The following ST6GAL2 variants were observed in gnomAD, a reference collection of about 807,000 sequenced individuals.
The protein encoded by ST6GAL2 is beta-galactoside alpha-2,6-sialyltransferase 2.
A neutral mutation model predicts 37.5 loss-of-function variants in ST6GAL2; 24 were observed. That is an observed-to-expected ratio of 0.64 (90% confidence interval 0.46 to 0.90). ST6GAL2 has a LOEUF of 0.90. ST6GAL2 is among the 40% of genes least tolerant of loss of function. The pLI is 0.00. For missense variants in ST6GAL2, 715 were observed against 712.7 expected (o/e 1.00, Z -0.04); for synonymous variants, 306 against 295.1 (o/e 1.04, Z -0.38).
At position 106,882,046 on chromosome 2, in the gene ST6GAL2, G is replaced by A. The variant is rs973116; in HGVS notation, c.-58+4047C>T. Among the ~76,000 whole-genome samples the A allele has an allele frequency of 6.0e-3, 919 of 152,212 alleles. 15 individuals carry two copies. Among genetic ancestry groups the A allele is most frequent in the African/African-American group, 0.021 (877 of 41,536 alleles). On this transcript the variant is annotated intron_variant, in intron 1 of 5. Transcript: ENST00000409382. ...TCAGCCCAAATTTCATTCTAATAAT[G>A]ACTGCCTGGATATTCCACATTTCAT...
intron 1 of ST6GAL2, among the ~76,000 whole-genome samples, chr2:106,876,597 T>TG (rs1488623502): frequency 6.6e-6 from 1 of 152,120 alleles, no homozygotes; most frequent in Non-Finnish European, 1.5e-5. Flanking sequence ...GAGTACCCAT[T>TG]GGGGGACAGT....
chr2:106,849,501 C>A (rs916088064), intron 1 of ST6GAL2, among the ~76,000 whole-genome samples: 3 of 152,164 alleles, frequency 2.0e-5, no homozygotes, highest in East Asian at 1.9e-4. Context: ...AAATATTTTA[C>A]CCCAAAATAT....
chr2:106,845,730 G>C (rs1302997463), intron 1 of ST6GAL2, among the ~76,000 whole-genome samples: 2 of 152,188 alleles, frequency 1.3e-5, no homozygotes, highest in Non-Finnish European at 2.9e-5. Flanking sequence ...TCTATGGCAG[G>C]TTAAAGGTGG....
intron 1 of ST6GAL2, among the ~76,000 whole-genome samples, chr2:106,866,405 T>C (rs940416934): frequency 1.3e-5 from 2 of 152,216 alleles, no homozygotes; most frequent in Non-Finnish European, 2.9e-5. Flanking sequence ...GTGTGCCACA[T>C]CCTGTCCATC....
intron 1 of ST6GAL2, among the ~76,000 whole-genome samples, chr2:106,851,371 T>C (rs919150019): frequency 6.6e-6 from 1 of 152,226 alleles, no homozygotes; most frequent in Non-Finnish European, 1.5e-5. Context: ...TCACATTTCT[T>C]AGGGATAGTT....
chr2:106,884,899 TGC>T (rs1678897460), intron 1 of ST6GAL2, among the ~76,000 whole-genome samples: 1 of 79,608 alleles, frequency 1.3e-5, no homozygotes, highest in Non-Finnish European at 2.4e-5. Flanking sequence ...ACCCTAAATT[TGC>T]AGCGCATATA....
At chr2:106,837,285 T>C (rs1676687054) in intron 2 of ST6GAL2, among the ~76,000 whole-genome samples, 1 of 152,178 alleles carries the variant, frequency 6.6e-6, no homozygotes, top group African/African-American at 2.4e-5. Context: ...TATTTCCCCA[T>C]GTGCCCCACT....
At chr2:106,814,908 C>T (rs993826943) in intron 5 of ST6GAL2, among the ~76,000 whole-genome samples, 4 of 152,158 alleles carry the variant, frequency 2.6e-5, no homozygotes, top group Non-Finnish European at 5.9e-5. Context: ...GAGAAATGCT[C>T]TTCATATGTG....
chr2:106,816,861 C>T (rs1432719965), intron 5 of ST6GAL2, among the ~76,000 whole-genome samples: 5 of 152,282 alleles, frequency 3.3e-5, no homozygotes, highest in Admixed American at 6.5e-5. Context: ...TTGCCAACAC[C>T]GTGCCTCCTC....
At chr2:106,813,105 A>T in intron 5 of ST6GAL2, 1 of 1,182,406 alleles carries the variant, frequency 8.5e-7, no homozygotes, top group Non-Finnish European at 1.1e-6. Flanking sequence ...TAAGTTTCTT[A>T]TATGGCCAGT....
intron 1 of ST6GAL2, among the ~76,000 whole-genome samples, chr2:106,863,871 A>G (rs1677911506): frequency 6.6e-6 from 1 of 152,214 alleles, no homozygotes; most frequent in Non-Finnish European, 1.5e-5. Context: ...CAGAAGCTAC[A>G]AAACAATATT....
At chr2:106,863,151 G>A (rs557225329) in intron 1 of ST6GAL2, among the ~76,000 whole-genome samples, 7 of 152,190 alleles carry the variant, frequency 4.6e-5, no homozygotes, top group African/African-American at 1.7e-4. Flanking sequence ...GAAACGAGGC[G>A]AGTTACCTAT....
intron 1 of ST6GAL2, among the ~76,000 whole-genome samples, chr2:106,851,797 T>A (rs1677375547): frequency 6.6e-6 from 1 of 152,136 alleles, no homozygotes; most frequent in South Asian, 2.1e-4. Context: ...GGACTAATGC[T>A]AAGTCTAAGT....
chr2:106,818,659 C>A (rs1675893604), intron 5 of ST6GAL2, among the ~76,000 whole-genome samples: 1 of 151,892 alleles, frequency 6.6e-6, no homozygotes, highest in African/African-American at 2.4e-5. Flanking sequence ...ACAATAATAC[C>A]TAACACTTGA....
chr2:106,842,961 C>A (rs1399523213), intron 2 of ST6GAL2, 74 bp downstream of exon 2: 2 of 1,149,592 alleles, frequency 1.7e-6, no homozygotes, highest in Non-Finnish European at 2.3e-6. Context: ...TCCAGAGGCG[C>A]GCTCAGAAAG....
chr2:106,811,747 G>A (rs1675617013), intron 5 of ST6GAL2, among the ~76,000 whole-genome samples: 1 of 152,044 alleles, frequency 6.6e-6, no homozygotes, highest in Non-Finnish European at 1.5e-5. Flanking sequence ...AATGAACTCT[G>A]AGTCACCACC....
chr2:106,819,750 G>T (rs1675931091), intron 5 of ST6GAL2, among the ~76,000 whole-genome samples: 1 of 151,736 alleles, frequency 6.6e-6, no homozygotes. Flanking sequence ...TGAGTAGAAA[G>T]ACTGAAAAAT....
intron 2 of ST6GAL2, among the ~76,000 whole-genome samples, chr2:106,836,582 TATATA>T (rs1237593773): frequency 6.6e-6 from 1 of 151,594 alleles, no homozygotes; most frequent in Non-Finnish European, 1.5e-5. Context: ...GTTATATATA[TATATA>T]ATATGTTAGT....
At chr2:106,813,068 T>C in intron 5 of ST6GAL2, 2 of 1,233,670 alleles carry the variant, frequency 1.6e-6, no homozygotes, top group Non-Finnish European at 2.0e-6. Flanking sequence ...GGGCCAGCTG[T>C]TTTGAATCTT....
Sources: allele counts gnomAD v4.1 joint callset (sites outside exome capture counted in the v4.1 genomes callset), GRCh38; gene constraint gnomAD v4.1.1; transcripts MANE v1.5; gene names NCBI Gene and HGNC (gene_info 2026-07-23, HGNC 2026-07-21).